The following PIGN variants were observed in gnomAD, a reference collection of about 807,000 sequenced individuals.
PIGN encodes the protein GPI ethanolamine phosphate transferase 1.
A neutral mutation model predicts 125.4 loss-of-function variants in PIGN; 117 were observed. The observed-to-expected ratio is 0.93, with a 90% CI of 0.80 to 1.09. PIGN has a LOEUF of 1.09. Ranked by LOEUF, PIGN falls within the 50% of genes least tolerant of loss-of-function variation. The pLI is 0.00. For synonymous variants in PIGN, 392 were observed against 377.8 expected (o/e 1.04, Z -0.44); for missense variants, 1,075 against 1,094.9 (o/e 0.98, Z 0.26).
At chr18:62,151,061 A>G (rs147367656) in intron 7 of PIGN, among the ~76,000 whole-genome samples, 1 of 152,346 alleles carries the variant, frequency 6.6e-6, no homozygotes, top group East Asian at 1.9e-4. Flanking sequence ...AGAGATTATT[A>G]GCTGCATAAC....
intron 30 of PIGN, among the ~76,000 whole-genome samples, chr18:62,067,109 A>C (rs954903938): frequency 7.9e-5 from 12 of 152,184 alleles, no homozygotes; most frequent in African/African-American, 2.9e-4. Context: ...ACAATCTTTC[A>C]TTCCTTCTTA....
chr18:62,060,257 T>C (rs2032036140), intron 30 of PIGN, among the ~76,000 whole-genome samples: 2 of 152,342 alleles, frequency 1.3e-5, no homozygotes, highest in Admixed American at 1.3e-4. Context: ...TCCCCTCCCA[T>C]GACTATTGTG....
At chr18:62,077,658 A>C (rs1471317188) in intron 28 of PIGN, among the ~76,000 whole-genome samples, 1 of 152,204 alleles carries the variant, frequency 6.6e-6, no homozygotes, top group Non-Finnish European at 1.5e-5. Flanking sequence ...TACCTAATAC[A>C]GTGCCTGACA....
intron 14 of PIGN, among the ~76,000 whole-genome samples, chr18:62,114,958 C>A (rs1275391719): frequency 6.6e-6 from 1 of 152,162 alleles, no homozygotes; most frequent in Non-Finnish European, 1.5e-5. Context: ...TAGCAGAACA[C>A]CAAACGTATG....
At chr18:62,177,769 G>A (rs1261023325) in intron 1 of PIGN, among the ~76,000 whole-genome samples, 1 of 152,112 alleles carries the variant, frequency 6.6e-6, no homozygotes, top group Non-Finnish European at 1.5e-5. Context: ...GGTCATTAAA[G>A]TCTCTGTTTT....
chr18:62,086,389 C>G (rs1307692592), intron 25 of PIGN, among the ~76,000 whole-genome samples: 1 of 152,012 alleles, frequency 6.6e-6, no homozygotes, highest in South Asian at 2.1e-4. Flanking sequence ...GAGGCTGAGG[C>G]GGGCAGACCA....
chr18:62,113,443 G>A (rs935513073), intron 15 of PIGN, 127 bp from the exon 16 acceptor site: 4 of 612,670 alleles, frequency 6.5e-6, no homozygotes, highest in African/African-American at 5.6e-5. Context: ...AACTGTAGAT[G>A]ATGGATTAAG....
chr18:62,159,613 T>C (rs1320850908), intron 4 of PIGN, among the ~76,000 whole-genome samples: 1 of 152,190 alleles, frequency 6.6e-6, no homozygotes. Context: ...AGTCTCTCTT[T>C]TCTTTATTTT....
intron 28 of PIGN, chr18:62,075,876 T>C (rs1192478572): frequency 1.3e-5 from 2 of 152,220 alleles, no homozygotes; most frequent in Non-Finnish European, 2.9e-5. Flanking sequence ...GATGCCACTA[T>C]TTGTTTTTAA....
At chr18:62,138,942 T>C (rs974540742) in intron 13 of PIGN, 41 bp downstream of exon 13, 3 of 934,058 alleles carry the variant, frequency 3.2e-6, no homozygotes, top group Non-Finnish European at 3.3e-6. Flanking sequence ...AATTGTAGTA[T>C]TGTCCATTTT....
At position 62,114,595 on chromosome 18, in the gene PIGN, C is replaced by G. The variant is rs1444744679; in HGVS notation, c.1217G>C (p.Arg406Thr). 6.6e-7 allele frequency: 1 copy of G among 1,524,342 alleles called. No homozygotes were observed. Among genetic ancestry groups the G allele is most frequent in the African/African-American group, 1.4e-5 (1 of 72,672 alleles). 94.4% of individuals were successfully genotyped at this position (1,524,342 alleles called of 1,614,324 possible). The part of the protein sequence containing the change: ...SKQFNILRKA[R>T]SYIKHRKFDE... Reference sequence around the variant, plus strand: ...AAACTTTCTGTGTTTTATATAAGATCTTGCTTTTCTTAAAATGTTGAACTG... The same window carrying G: ...AAACTTTCTGTGTTTTATATAAGATGTTGCTTTTCTTAAAATGTTGAACTG... Residue 406 changes from arginine (R) to threonine (T), a missense_variant, in exon 15 of 31, where the codon AGA (arginine) becomes ACA (threonine). Arg to Thr is a moderately conservative substitution (Grantham distance 71, BLOSUM62 -1). Coordinates refer to ENST00000640252, the MANE Select transcript of PIGN (RefSeq NM_176787.5).
chr18:62,107,109 T>G, intron 17 of PIGN, 24 bp from the exon 18 acceptor site: 2 of 1,459,548 alleles, frequency 1.4e-6, no homozygotes. Context: ...AAAGACTGAT[T>G]GAATTTTAAA....
Position 62,072,671 on chromosome 18 carries a change from AC to A in PIGN, c.2672+1del. The A allele has an allele frequency of 6.2e-7, 1 of 1,604,036 alleles. No homozygotes were observed. Among genetic ancestry groups the A allele is most frequent in the South Asian group, 1.1e-5 (1 of 89,374 alleles). ...AGCAATGCATGACCATATATACTATACCTTGTCCCAATATCAAGCCAGCTGC... is the reference window on the plus strand; with the variant it reads ...AGCAATGCATGACCATATATACTATACTTGTCCCAATATCAAGCCAGCTGC... On this transcript the variant is annotated splice_donor_variant, in intron 30 of 30. Coordinates refer to ENST00000640252, the MANE Select transcript of PIGN (RefSeq NM_176787.5). LOFTEE classifies it high-confidence loss of function.
chr18:62,164,613 C>A (rs1231922348), intron 1 of PIGN, among the ~76,000 whole-genome samples: 1 of 152,186 alleles, frequency 6.6e-6, no homozygotes, highest in Non-Finnish European at 1.5e-5. Flanking sequence ...TCAATCGCCT[C>A]CCACCAGGTC....
chr18:62,167,719 C>A (rs2037203680), intron 1 of PIGN, among the ~76,000 whole-genome samples: 1 of 151,240 alleles, frequency 6.6e-6, no homozygotes, highest in African/African-American at 2.4e-5. Context: ...TATATACACA[C>A]ACACACAATA....
chr18:62,092,240 A>T (rs2033994489), intron 23 of PIGN, among the ~76,000 whole-genome samples: 1 of 152,184 alleles, frequency 6.6e-6, no homozygotes, highest in Admixed American at 6.5e-5. Flanking sequence ...ACCTATTAAT[A>T]TAACATTTGA....
At chr18:62,070,529 A>G (rs903410408) in intron 30 of PIGN, 1 of 398,408 alleles carries the variant, frequency 2.5e-6, no homozygotes, top group Non-Finnish European at 4.4e-6. Context: ...AACAGAGGGA[A>G]GAGGATGTTT....
intron 28 of PIGN, among the ~76,000 whole-genome samples, chr18:62,079,779 A>T (rs1174564015): frequency 6.6e-6 from 1 of 151,684 alleles, no homozygotes; most frequent in African/African-American, 2.4e-5. Context: ...AACAAATAAC[A>T]CAAAAAGTTT....
chr18:62,082,903 A>T (rs1359882746), intron 27 of PIGN, among the ~76,000 whole-genome samples, 157 bp from the exon 28 acceptor site: 1 of 152,142 alleles, frequency 6.6e-6, no homozygotes, highest in Non-Finnish European at 1.5e-5. Context: ...GCATGATACC[A>T]ATGGCACATA....
Sources: allele counts gnomAD v4.1 joint callset (sites outside exome capture counted in the v4.1 genomes callset), GRCh38; gene constraint gnomAD v4.1.1; transcripts MANE v1.5; gene names NCBI Gene and HGNC (gene_info 2026-07-23, HGNC 2026-07-21).